Variants in CCDC144A observed in about 807,000 individuals in gnomAD.
CCDC144A encodes coiled-coil domain containing 144A.
CCDC144A carries 41 observed loss-of-function variants against 143.8 expected under a neutral mutation model. That is an observed-to-expected ratio of 0.29 (90% confidence interval 0.22 to 0.37). The LOEUF is 0.37. Ranked by LOEUF, CCDC144A falls within the 10% of genes least tolerant of loss-of-function variation. The pLI is 1.00. For synonymous variants in CCDC144A, 242 were observed against 517.9 expected, an observed-to-expected ratio of 0.47 and a Z score of 7.23; for missense variants, 637 against 1,488.8, an observed-to-expected ratio of 0.43 and a Z score of 9.41.
At chr17:16,748,611 A>T (rs1390626696) in intron 12 of CCDC144A, among the ~76,000 whole-genome samples, 1 of 152,168 alleles carries the variant, frequency 6.6e-6, no homozygotes, top group Admixed American at 6.5e-5. Flanking sequence ...TCATACAATG[A>T]GTTAGGGAGA....
intron 6 of CCDC144A, among the ~76,000 whole-genome samples, chr17:16,713,397 C>T (rs1396961809): frequency 1.3e-5 from 2 of 151,996 alleles, no homozygotes; most frequent in Non-Finnish European, 2.9e-5. Context: ...GTAGGAAACA[C>T]ACCATATTTT....
chr17:16,740,269 C>T (rs937996942), intron 12 of CCDC144A, among the ~76,000 whole-genome samples: 38 of 152,126 alleles, frequency 2.5e-4, no homozygotes, highest in South Asian at 2.1e-4. Flanking sequence ...TGTACACTCC[C>T]GGAGCTGAAT....
upstream of CCDC144A, among the ~76,000 whole-genome samples, chr17:16,688,793 T>C (rs926176163): frequency 1.3e-5 from 2 of 152,170 alleles, no homozygotes; most frequent in Non-Finnish European, 2.9e-5. Context: ...CGGCCACAGA[T>C]ATTTTGTAAA....
At chr17:16,714,924 A>T (rs573284251) in intron 6 of CCDC144A, among the ~76,000 whole-genome samples, 1 of 152,252 alleles carries the variant, frequency 6.6e-6, no homozygotes, top group African/African-American at 2.4e-5. Flanking sequence ...CACCCCAGGC[A>T]CACCTCTGCA....
chr17:16,703,660 C>T lies in CCDC144A; in HGVS notation c.416-1491C>T, dbSNP rs560903510. Among the ~76,000 whole-genome samples the T allele has an allele frequency of 2.4e-4, 37 of 151,932 alleles. 2 individuals are homozygous for T. In the East Asian group the frequency reaches 6.2e-3, roughly 25 times the overall value. On this transcript the variant is annotated intron_variant, in intron 2 of 16. Transcript: ENST00000399273. ...TCTACTAAAAATACAAAAAATTAGC[C>T]GGGCGTGGTGGAGGGCACCGGTAGT... is the stretch of plus-strand genomic sequence containing the variant.
At chr17:16,744,948 T>C (rs1256063669) in intron 12 of CCDC144A, among the ~76,000 whole-genome samples, 1 of 152,158 alleles carries the variant, frequency 6.6e-6, no homozygotes. Context: ...AAATTTCTGT[T>C]ATTTGGGCAA....
chr17:16,681,910 A>C, the CCDC144A span, among the ~76,000 whole-genome samples: 7 of 151,972 alleles, frequency 4.6e-5, no homozygotes, highest in African/African-American at 1.7e-4. Flanking sequence ...AAAAAATTGC[A>C]TACTGTGGTT....
chr17:16,694,808 GT>G (rs1233873416), intron 2 of CCDC144A, among the ~76,000 whole-genome samples: 1 of 151,980 alleles, frequency 6.6e-6, no homozygotes, highest in Admixed American at 6.6e-5. Flanking sequence ...AACAAGATGT[GT>G]TTTTCTACCT....
At position 16,775,240 on chromosome 17, in the gene CCDC144A, G is replaced by A. The variant is rs1304517416; in HGVS notation, c.*1607G>A. ...TGGGTATATACCAAGTAATGGGATT[G>A]CTGGGTTAAATGGTATTTCAGGTTC... On this transcript the variant is annotated 3_prime_UTR_variant, in exon 17 of 17. Coordinates refer to ENST00000399273, the MANE Select transcript of CCDC144A (RefSeq NM_001382000.1). 6.6e-6 allele frequency: 1 copy of A among 152,244 alleles called. No homozygotes were observed. The highest frequency in any genetic ancestry group is 1.5e-5 in the Non-Finnish European group (1 of 68,052). 9.4% of individuals were successfully genotyped at this position (152,244 alleles called of 1,614,324 possible).
chr17:16,776,253 A>C lies in CCDC144A; in HGVS notation c.*2620A>C, dbSNP rs1317433428. 2 of 152,264 alleles carry C rather than the reference A, an allele frequency of 1.3e-5. No individual in the cohort carries two copies. Among genetic ancestry groups the C allele is most frequent in the African/African-American group, 4.8e-5 (2 of 41,468 alleles). 9.4% of individuals were successfully genotyped at this position (152,264 alleles called of 1,614,324 possible). The stretch of plus-strand genomic sequence containing the variant: ...TAGGTCTGTAAAGAATGTGAATAGT[A>C]GTTTAATGGGCCTAGCATTTAATTT... On this transcript the variant is annotated 3_prime_UTR_variant, in exon 17 of 17. Transcript: ENST00000399273.
chr17:16,771,755 T>G (rs1915829579), intron 15 of CCDC144A, among the ~76,000 whole-genome samples: 1 of 152,272 alleles, frequency 6.6e-6, no homozygotes, highest in Non-Finnish European at 1.5e-5. Context: ...CAATATTAAT[T>G]GTACTTTTGT....
chr17:16,718,832 GTT>G (rs71355519), intron 6 of CCDC144A, among the ~76,000 whole-genome samples: 18 of 105,718 alleles, frequency 1.7e-4, no homozygotes, highest in African/African-American at 3.5e-4. Context: ...ATTATAAAGT[GTT>G]TTTTTTTTTT....
chr17:16,750,903 C>G, intron 12 of CCDC144A, among the ~76,000 whole-genome samples: 1 of 152,252 alleles, frequency 6.6e-6, no homozygotes, highest in Middle Eastern at 3.4e-3. Flanking sequence ...AAAAATGGCT[C>G]TGTCGTGTTT....
intron 4 of CCDC144A, 48 bp from the exon 5 acceptor site, chr17:16,708,748 C>G: frequency 6.2e-7 from 1 of 1,610,584 alleles, no homozygotes; most frequent in South Asian, 1.1e-5. Flanking sequence ...AGAGAAGACA[C>G]CCAAGAAATA....
the CCDC144A span, among the ~76,000 whole-genome samples, chr17:16,667,288 T>TGAGGGGGCTGAGGCGGCTGAGGAGGC: frequency 7.8e-6 from 1 of 128,044 alleles, no homozygotes; most frequent in East Asian, 3.0e-4. Flanking sequence ...GGCTGAGGGG[T>TGAGGGGGCTGAGGCGGCTGAGGAGGC]TGAGGCGGCT....
rs1404101186 is a variant in CCDC144A at position 16,690,672 on chromosome 17, G to A, written c.272G>A (p.Gly91Asp). The A allele has an allele frequency of 6.2e-7, 1 of 1,613,780 alleles. No individual in the cohort carries two copies. The highest frequency in any genetic ancestry group is 1.3e-5 in the African/African-American group (1 of 74,938). ...LGELHRAARSGDVPGVEHILA... is the reference protein window; with the variant it reads ...LGELHRAARSDDVPGVEHILA... ...GAGCTCCACAGAGCTGCCCGGTCGG[G>A]CGACGTCCCTGGGGTGGAGCACATC... Residue 91 changes from glycine (G) to aspartate (D), a missense_variant, in exon 1 of 17, where the codon GGC becomes GAC. Coordinates refer to ENST00000399273, the MANE Select transcript of CCDC144A (RefSeq NM_001382000.1).
intron 2 of CCDC144A, chr17:16,695,485 A>G (rs1216080420): frequency 6.6e-6 from 1 of 151,978 alleles, no homozygotes. Context: ...CTGTACTTCC[A>G]GCTACTTGGG....
chr17:16,753,436 T>C (rs1197953532), intron 12 of CCDC144A, among the ~76,000 whole-genome samples: 3 of 135,560 alleles, frequency 2.2e-5, no homozygotes, highest in Non-Finnish European at 4.5e-5. Context: ...TAGTTTTTTT[T>C]TTTTTTTTTT....
Position 16,720,226 on chromosome 17 carries a change from A to G in CCDC144A, c.1744A>G (p.Asn582Asp). Residue 582 changes from asparagine (N) to aspartate (D), a missense_variant, in exon 7 of 17, where the codon AAC becomes GAC. Asn to Asp is a conservative substitution (Grantham distance 23). Transcript: ENST00000399273. ...RPADKTSNEK[N>D]EVKNQIYPEA... ...TGCAGATAAAACATCTAATGAAAAG[A>G]ACGAGGTATTGTAAAAAAGGAAATG... 1 of 1,521,892 alleles carries G rather than the reference A, an allele frequency of 6.6e-7. No individual in the cohort carries two copies. Among genetic ancestry groups the G allele is most frequent in the Non-Finnish European group, 8.8e-7 (1 of 1,138,352 alleles). 94.3% of individuals were successfully genotyped at this position (1,521,892 alleles called of 1,614,324 possible).
Sources: gnomAD v4.1 joint callset for allele counts (sites outside exome capture counted in the v4.1 genomes callset) on GRCh38, gnomAD v4.1.1 for gene constraint, MANE v1.5 for transcripts, NCBI Gene and HGNC (gene_info 2026-07-23, HGNC 2026-07-21) for gene names.